Variants in FREM1 observed in about 807,000 individuals in gnomAD.
FREM1 encodes FRAS1 related extracellular matrix 1.
A neutral mutation model predicts 210.1 loss-of-function variants in FREM1; 220 were observed. The ratio of observed to expected loss-of-function variants is 1.05; its 90% CI spans 0.94 to 1.17. The LOEUF (loss-of-function observed/expected upper bound fraction) is 1.17. Among genes scored for constraint, FREM1 ranks in the 50% most tolerant of loss-of-function variants. FREM1 has a pLI of 0.00. For missense variants in FREM1, 3,454 were observed against 2,675.5 expected, an observed-to-expected ratio of 1.29 and a Z score of -6.42; for synonymous variants, 1,189 against 980.2, an observed-to-expected ratio of 1.21 and a Z score of -3.98.
intron 24 of FREM1, 130 bp downstream of exon 24, chr9:14,784,240 G>T (rs1850058359): frequency 6.6e-6 from 5 of 758,256 alleles, no homozygotes; most frequent in Admixed American, 3.0e-5. Context: ...TAAATTTAAG[G>T]TATACAGCGT....
chr9:14,792,036 G>T (rs574618127), intron 22 of FREM1, among the ~76,000 whole-genome samples: 1 of 151,932 alleles, frequency 6.6e-6, no homozygotes, highest in Non-Finnish European at 1.5e-5. Context: ...GTAGAGATGG[G>T]GTTTCACCAC....
At chr9:14,903,716 G>A (rs576488605) in intron 1 of FREM1, among the ~76,000 whole-genome samples, 2 of 152,184 alleles carry the variant, frequency 1.3e-5, no homozygotes, top group Non-Finnish European at 2.9e-5. Context: ...TGTAATATGA[G>A]TTCAACTTTT....
At chr9:14,784,283 G>A (rs990396278) in intron 24 of FREM1, 87 bp downstream of exon 24, 1 of 1,199,746 alleles carries the variant, frequency 8.3e-7, no homozygotes, top group South Asian at 1.6e-5. Context: ...TTGTGAAATG[G>A]TTACTATAGT....
chr9:14,813,905 G>T (rs1457640273), intron 15 of FREM1, among the ~76,000 whole-genome samples: 1 of 152,154 alleles, frequency 6.6e-6, no homozygotes, highest in East Asian at 1.9e-4. Flanking sequence ...TTAACGTGTG[G>T]ACTTTAAGTC....
At chr9:14,763,889 G>A (rs1390655466) in intron 27 of FREM1, among the ~76,000 whole-genome samples, 2 of 152,198 alleles carry the variant, frequency 1.3e-5, no homozygotes, top group African/African-American at 2.4e-5. Flanking sequence ...AACATGGTGA[G>A]TGCTCATTAA....
chr9:14,792,869 TG>T lies in FREM1; in HGVS notation c.3854del (p.Ala1285GlufsTer2). 6.3e-7 allele frequency: 1 copy of T among 1,580,430 alleles called. No homozygotes were observed. Among genetic ancestry groups the T allele is most frequent in the Non-Finnish European group, 8.6e-7 (1 of 1,162,868 alleles). ...TAATACGAGTTTCACCCATATTCAT[TG>T]CAATTTCAGCCTTCCTGTAAAAAGA... is the stretch of plus-strand genomic sequence containing the variant. ...KPMLSKKAEI[A>X]MNMGETRIIS... On this transcript the variant is annotated frameshift_variant, in exon 22 of 37. Transcript: ENST00000380880. LOFTEE classifies it high-confidence loss of function.
Position 14,815,845 on chromosome 9 carries a change from G to A in FREM1, c.2640+933C>T, listed in dbSNP as rs186412752. Among the ~76,000 whole-genome samples the A allele has an allele frequency of 3.7e-3, 565 of 152,168 alleles. 5 individuals carry two copies. Among genetic ancestry groups the A allele is most frequent in the South Asian group, 0.028 (137 of 4,818 alleles). ...GTATTTTTAATAGAGACAGGGTTTCGCCATTTTGGACAGGGTGGTCTTGAA... is the reference window on the plus strand; with the variant it reads ...GTATTTTTAATAGAGACAGGGTTTCACCATTTTGGACAGGGTGGTCTTGAA... On this transcript the variant is annotated intron_variant, in intron 15 of 36. Transcript: ENST00000380880.
intron 27 of FREM1, among the ~76,000 whole-genome samples, chr9:14,763,796 T>C (rs7025230): frequency 0.69 from 105,446 of 152,188 alleles, 36,972 homozygotes; most frequent in Middle Eastern, 0.76. Context: ...TGCTATCACA[T>C]TGATTTAGAT....
chr9:14,748,063 A>G (rs1411186054), intron 31 of FREM1, among the ~76,000 whole-genome samples: 7 of 152,204 alleles, frequency 4.6e-5, no homozygotes, highest in African/African-American at 1.7e-4. Context: ...TGTGTTAATA[A>G]GGTCAAAGCC....
At chr9:14,843,718 G>A (rs987115192) in intron 8 of FREM1, among the ~76,000 whole-genome samples, 3 of 150,588 alleles carry the variant, frequency 2.0e-5, no homozygotes, top group Admixed American at 1.3e-4. Flanking sequence ...TTAGAGGAGT[G>A]GTCTCAAACC....
At chr9:14,908,763 C>A (rs1395363735) in intron 1 of FREM1, among the ~76,000 whole-genome samples, 1 of 152,164 alleles carries the variant, frequency 6.6e-6, no homozygotes. Context: ...GTGTGACCCA[C>A]CTGCTTCAGA....
In FREM1 at chr9:14,848,680, C is replaced by G; in HGVS notation, c.1246G>C (p.Val416Leu). Residue 416 changes from valine to leucine, a missense_variant, in exon 7 of 37, where the codon GTA (valine) becomes CTA (leucine). Coordinates refer to ENST00000380880, the MANE Select transcript of FREM1 (RefSeq NM_001379081.2). ...IRTADTNAPR[V>L]SWNTGLSLLE... Reference sequence around the variant, plus strand: ...TGAGCTTTACCTGTATTCCAGGATACACGGGGGGCATTTGTATCTGCTGTT... The same window carrying G: ...TGAGCTTTACCTGTATTCCAGGATAGACGGGGGGCATTTGTATCTGCTGTT... 6.2e-7 allele frequency: 1 copy of G among 1,605,134 alleles called. No homozygotes were observed. Among genetic ancestry groups the G allele is most frequent in the Non-Finnish European group, 8.5e-7 (1 of 1,172,196 alleles).
chr9:14,772,325 A>G (rs557440329), intron 25 of FREM1, among the ~76,000 whole-genome samples: 36 of 152,176 alleles, frequency 2.4e-4, no homozygotes, highest in Non-Finnish European at 3.8e-4. Flanking sequence ...TTTATAAACC[A>G]TCTCGACCTG....
intron 3 of FREM1, among the ~76,000 whole-genome samples, chr9:14,863,200 G>T (rs750959422): frequency 3.3e-5 from 5 of 151,856 alleles, no homozygotes; most frequent in African/African-American, 4.8e-5. Context: ...AATTAGCCGG[G>T]CGTAGTGGTG....
intron 12 of FREM1, among the ~76,000 whole-genome samples, chr9:14,823,806 G>C (rs1355664097): frequency 6.6e-6 from 1 of 152,130 alleles, no homozygotes; most frequent in Non-Finnish European, 1.5e-5. Context: ...TCTGTTTTCA[G>C]TAAAATTACT....
Position 14,746,477 on chromosome 9 carries a change from C to T in FREM1, c.6139-9G>A, listed in dbSNP as rs1268778509. The T allele has an allele frequency of 6.2e-7, 1 of 1,603,134 alleles. No individual in the cohort carries two copies. The highest frequency in any genetic ancestry group is 1.3e-5 in the African/African-American group (1 of 74,784). ...GATTTGTCTTCCACATCCTGAAAAA[C>T]AGTTGTCTGTGTTCATATCATAATG... On this transcript the variant is annotated splice_polypyrimidine_tract_variant and intron_variant, in intron 34 of 36. Coordinates refer to ENST00000380880, the MANE Select transcript of FREM1 (RefSeq NM_001379081.2).
intron 23 of FREM1, 144 bp from the exon 24 acceptor site, chr9:14,784,778 A>G: frequency 2.0e-6 from 1 of 492,508 alleles, no homozygotes; most frequent in Non-Finnish European, 3.3e-6. Flanking sequence ...TATGAATAAA[A>G]ATAATTAACC....
chr9:14,748,605 G>C lies in FREM1; in HGVS notation c.5592C>G (p.Ser1864Arg). 1.2e-6 allele frequency: 2 copies of C among 1,613,644 alleles called. No homozygotes were observed. The highest frequency in any genetic ancestry group is 1.7e-6 in the Non-Finnish European group (2 of 1,179,686). The change falls in exon 31 of 37, where the codon AGC becomes AGG. Residue 1864 changes from serine (S) to arginine (R), a missense_variant. Ser to Arg is a moderately radical substitution (Grantham distance 110). Coordinates refer to ENST00000380880, the MANE Select transcript of FREM1 (RefSeq NM_001379081.2). ...QCHPSYSSNQSKHSTWEKGIW... is the reference protein window; with the variant it reads ...QCHPSYSSNQRKHSTWEKGIW... ...TGCCCTTCTCCCATGTGCTGTGCTT[G>C]CTTTGGTTGGAGGAATATGAAGGAT...
Position 14,861,094 on chromosome 9 carries a change from TATAA to T in FREM1, c.330-1614_330-1611del, listed in dbSNP as rs1344916119. Among the ~76,000 whole-genome samples the T allele has an allele frequency of 4.4e-4, 45 of 102,796 alleles. 1 individual carries two copies. Among genetic ancestry groups the T allele is most frequent in the African/African-American group, 1.6e-3 (31 of 19,750 alleles). 67.4% of individuals were successfully genotyped at this position (102,796 alleles called of 152,430 possible). On this transcript the variant is annotated intron_variant, in intron 3 of 36. Coordinates refer to ENST00000380880, the MANE Select transcript of FREM1 (RefSeq NM_001379081.2). ...ACATATATACATATATACACATATATATAAACATATATACACATATATATACATA... is the reference window on the plus strand; with the variant it reads ...ACATATATACATATATACACATATATACATATATACACATATATATACATA...
Sources: allele counts gnomAD v4.1 joint callset (sites outside exome capture counted in the v4.1 genomes callset), GRCh38; gene constraint gnomAD v4.1.1; transcripts MANE v1.5; gene names NCBI Gene and HGNC (gene_info 2026-07-23, HGNC 2026-07-21).